The following WWOX variants were observed in gnomAD, a reference collection of about 807,000 sequenced individuals.
WWOX encodes WW domain-containing oxidoreductase.
WWOX carries 69 observed loss-of-function variants against 46.2 expected under a neutral mutation model. That is an observed-to-expected ratio of 1.49 (90% confidence interval 1.23 to 1.82). The LOEUF (loss-of-function observed/expected upper bound fraction) is 1.82, where lower values mean the gene tolerates loss of function less well. Ranked by LOEUF, WWOX falls within the 40% of genes most tolerant of loss-of-function variation. WWOX has a pLI of 0.00. For synonymous variants in WWOX, 359 were observed against 202.6 expected (o/e 1.77, Z -6.56); for missense variants, 919 against 542.6 (o/e 1.69, Z -6.89).
chr16:78,613,233 C>G (rs1317776682), intron 8 of WWOX, among the ~76,000 whole-genome samples: 1 of 152,170 alleles, frequency 6.6e-6, no homozygotes, highest in Non-Finnish European at 1.5e-5. Context: ...CATTTCCTGA[C>G]ATTCCCAACA....
intron 8 of WWOX, among the ~76,000 whole-genome samples, chr16:79,058,658 A>G (rs1025781014): frequency 1.3e-5 from 2 of 152,232 alleles, no homozygotes; most frequent in East Asian, 1.9e-4. Context: ...TGTGATTTAT[A>G]TAATCAATCA....
intron 8 of WWOX, chr16:78,553,349 C>G (rs939333473): frequency 5.3e-5 from 8 of 152,190 alleles, no homozygotes; most frequent in African/African-American, 1.9e-4. Flanking sequence ...GGTAAGCAGG[C>G]TTAGGATTGG....
chr16:78,592,444 T>C (rs990076096), intron 8 of WWOX, among the ~76,000 whole-genome samples: 1 of 152,160 alleles, frequency 6.6e-6, no homozygotes, highest in Non-Finnish European at 1.5e-5. Context: ...AGATTGTAAG[T>C]GTGATGAGAA....
chr16:79,184,254 T>C (rs2050970017), intron 8 of WWOX, among the ~76,000 whole-genome samples: 1 of 152,184 alleles, frequency 6.6e-6, no homozygotes, highest in Admixed American at 6.5e-5. Flanking sequence ...ACTATTAGTT[T>C]GTAGAGTCCA....
chr16:78,744,937 T>C (rs796133475), intron 8 of WWOX, among the ~76,000 whole-genome samples: 74 of 152,320 alleles, frequency 4.9e-4, no homozygotes, highest in African/African-American at 1.7e-3. Flanking sequence ...CAGGTCTTAA[T>C]TTCCCTACCT....
chr16:78,194,820 C>G (rs948771663), intron 5 of WWOX, among the ~76,000 whole-genome samples: 1 of 152,122 alleles, frequency 6.6e-6, no homozygotes, highest in Non-Finnish European at 1.5e-5. Context: ...TAAACTTCCT[C>G]TACTCTTTTT....
At chr16:79,011,275 T>G (rs2047301793) in intron 8 of WWOX, among the ~76,000 whole-genome samples, 1 of 151,356 alleles carries the variant, frequency 6.6e-6, no homozygotes, top group Non-Finnish European at 1.5e-5. Flanking sequence ...TATGCAACCA[T>G]TTCACATCCA....
chr16:78,997,493 T>G (rs1211878054), intron 8 of WWOX, among the ~76,000 whole-genome samples: 1 of 152,162 alleles, frequency 6.6e-6, no homozygotes, highest in Admixed American at 6.5e-5. Context: ...TACTCCAGAT[T>G]TTTATTTTAT....
chr16:78,711,167 G>C (rs967959649), intron 8 of WWOX, among the ~76,000 whole-genome samples: 1 of 152,148 alleles, frequency 6.6e-6, no homozygotes, highest in Admixed American at 6.5e-5. Context: ...GTTCTTGCTA[G>C]TCTGGCCTTT....
chr16:78,432,619 A>C lies in WWOX; in HGVS notation c.923A>C (p.His308Pro). 6.2e-7 allele frequency: 1 copy of C among 1,614,174 alleles called. No individual in the cohort carries two copies. The highest frequency in any genetic ancestry group is 1.3e-5 in the African/African-American group (1 of 75,044). Reference sequence around the variant, plus strand: ...AACATCCTCTTCTCCAACGAGCTGCACCGTCGCCTCTCCCCACGCGGGGTC... The same window carrying C: ...AACATCCTCTTCTCCAACGAGCTGCCCCGTCGCCTCTCCCCACGCGGGGTC... Reference protein sequence around the residue: ...LCNILFSNELHRRLSPRGVTS... With the variant: ...LCNILFSNELPRRLSPRGVTS... The change falls in exon 8 of 9, where the codon CAC becomes CCC. Residue 308 changes from histidine (H) to proline (P), a missense_variant. His to Pro is a moderately conservative substitution (Grantham distance 77, BLOSUM62 -2). Coordinates refer to ENST00000566780, the MANE Select transcript of WWOX (RefSeq NM_016373.4).
At chr16:78,724,043 C>T (rs1308613064) in intron 8 of WWOX, among the ~76,000 whole-genome samples, 1 of 152,116 alleles carries the variant, frequency 6.6e-6, no homozygotes, top group Non-Finnish European at 1.5e-5. Context: ...GTTTTCTGGG[C>T]CAGGACTGGA....
At chr16:78,363,600 C>A (rs1034728411) in intron 5 of WWOX, among the ~76,000 whole-genome samples, 26 of 152,130 alleles carry the variant, frequency 1.7e-4, no homozygotes, top group Admixed American at 1.2e-3. Flanking sequence ...AGAATGATTT[C>A]ATAAGAAATC....
At chr16:78,562,655 A>T (rs889020893) in intron 8 of WWOX, among the ~76,000 whole-genome samples, 7 of 152,134 alleles carry the variant, frequency 4.6e-5, no homozygotes, top group African/African-American at 1.7e-4. Flanking sequence ...AGTTGCTCAC[A>T]CTCGGTCAAT....
At chr16:79,117,114 T>G (rs2049532401) in intron 8 of WWOX, among the ~76,000 whole-genome samples, 1 of 152,100 alleles carries the variant, frequency 6.6e-6, no homozygotes, top group South Asian at 2.1e-4. Context: ...GCAGCTCAAA[T>G]TATCCTCCTA....
intron 5 of WWOX, among the ~76,000 whole-genome samples, chr16:78,246,407 T>G (rs1284337910): frequency 6.6e-6 from 1 of 152,180 alleles, no homozygotes; most frequent in African/African-American, 2.4e-5. Flanking sequence ...ACCCTGTTTT[T>G]GAAAGTACTT....
intron 8 of WWOX, among the ~76,000 whole-genome samples, chr16:79,176,217 A>C (rs1044790193): frequency 6.6e-6 from 1 of 152,244 alleles, no homozygotes; most frequent in African/African-American, 2.4e-5. Flanking sequence ...ACAGAAAGCA[A>C]CATAAGTGGG....
At chr16:78,570,359 A>C (rs1403661791) in intron 8 of WWOX, among the ~76,000 whole-genome samples, 3 of 152,136 alleles carry the variant, frequency 2.0e-5, no homozygotes, top group African/African-American at 7.2e-5. Flanking sequence ...CAGGATCTGG[A>C]GTGTGGTGGT....
intron 5 of WWOX, among the ~76,000 whole-genome samples, chr16:78,318,026 G>C (rs535658695): frequency 6.6e-6 from 1 of 152,120 alleles, no homozygotes; most frequent in African/African-American, 2.4e-5. Context: ...ACCGCTGCCT[G>C]CTTCTACCCT....
At chr16:79,126,776 A>T (rs1597397423) in intron 8 of WWOX, among the ~76,000 whole-genome samples, 1 of 152,288 alleles carries the variant, frequency 6.6e-6, no homozygotes, top group East Asian at 1.9e-4. Context: ...ACTCCAGCCT[A>T]CATAAATTTA....
Sources: gnomAD v4.1 joint callset for allele counts (sites outside exome capture counted in the v4.1 genomes callset) on GRCh38, gnomAD v4.1.1 for gene constraint, MANE v1.5 for transcripts, NCBI Gene and HGNC (gene_info 2026-07-23, HGNC 2026-07-21) for gene names.